Variants in CHLSN observed in about 807,000 individuals in gnomAD.
The protein encoded by CHLSN is protein cholesin.
At chr7:1,089,243 A>G in the CHLSN span, among the ~76,000 whole-genome samples, 6 of 152,236 alleles carry the variant, frequency 3.9e-5, no homozygotes, top group African/African-American at 7.2e-5. Context: ...TATCTACTAA[A>G]GATGAATCAA....
the CHLSN span, among the ~76,000 whole-genome samples, chr7:1,018,034 G>A: frequency 1.3e-5 from 2 of 152,296 alleles, no homozygotes; most frequent in South Asian, 2.1e-4. Flanking sequence ...AAGTCCCCAC[G>A]GGGCTCAGAC....
chr7:1,000,564 A>G, the CHLSN span: 1 of 1,597,372 alleles, frequency 6.3e-7, no homozygotes, highest in Non-Finnish European at 8.5e-7. Context: ...AGGGAAAGAA[A>G]GACAAACATC....
the CHLSN span, among the ~76,000 whole-genome samples, chr7:1,001,353 CCCTGTGGGTGGGGAGT>C: frequency 8.4e-5 from 12 of 142,088 alleles, no homozygotes; most frequent in East Asian, 1.7e-3. Flanking sequence ...GGGTGTGGAG[CCCTGTGGGTGGGGAGT>C]CCTGTGGGTG....
the CHLSN span, among the ~76,000 whole-genome samples, chr7:1,072,189 G>A: frequency 6.6e-6 from 1 of 152,208 alleles, no homozygotes; most frequent in Non-Finnish European, 1.5e-5. Flanking sequence ...TCCTGGAGCC[G>A]TAAGCATCCT....
the CHLSN span, among the ~76,000 whole-genome samples, chr7:1,018,776 C>G: frequency 1.3e-5 from 2 of 151,582 alleles, no homozygotes; most frequent in African/African-American, 4.9e-5. Context: ...GAGTGAGACC[C>G]TCAAAAAAAA....
At chr7:1,056,735 G>A in the CHLSN span, 2 of 152,224 alleles carry the variant, frequency 1.3e-5, no homozygotes, top group Non-Finnish European at 2.9e-5. Context: ...GATGCCGTCT[G>A]CTCGTCTGCC....
chr7:1,111,451 G>C, the CHLSN span, among the ~76,000 whole-genome samples: 2 of 152,304 alleles, frequency 1.3e-5, no homozygotes, highest in South Asian at 4.1e-4. Context: ...TAACACAAAG[G>C]TGTTGAACAA....
At chr7:1,130,001 G>A in the CHLSN span, among the ~76,000 whole-genome samples, 1 of 152,272 alleles carries the variant, frequency 6.6e-6, no homozygotes, top group South Asian at 2.1e-4. Context: ...GGCACCACAC[G>A]GGCTGCGGGC....
the CHLSN span, among the ~76,000 whole-genome samples, chr7:1,002,618 CGGGTGGGGAGTCCTGT>C: frequency 1.7e-4 from 6 of 34,594 alleles, no homozygotes; most frequent in Non-Finnish European, 3.2e-4. Flanking sequence ...TGGAGTCCTG[CGGGTGGGGAGTCCTGT>C]GGGTGGGGAG....
chr7:1,118,834 C>T, the CHLSN span, among the ~76,000 whole-genome samples: 1 of 137,512 alleles, frequency 7.3e-6, no homozygotes, highest in South Asian at 2.4e-4. Context: ...GAGGTACTTA[C>T]TTTGCTAGAT....
At chr7:1,126,672 G>C in the CHLSN span, among the ~76,000 whole-genome samples, 3 of 152,100 alleles carry the variant, frequency 2.0e-5, no homozygotes, top group Non-Finnish European at 4.4e-5. Context: ...CAGAGACTGT[G>C]TCTCAAGAAA....
the CHLSN span, among the ~76,000 whole-genome samples, chr7:1,012,180 C>T: frequency 5.9e-5 from 9 of 152,280 alleles, no homozygotes; most frequent in African/African-American, 1.9e-4. Context: ...GGGCCAAAGT[C>T]CATAACACTG....
At chr7:983,360 C>G in the CHLSN span, 3 of 1,532,762 alleles carry the variant, frequency 2.0e-6, no homozygotes, top group East Asian at 7.4e-5. Flanking sequence ...CTGCGTCTGT[C>G]GCAACAGGAC....
the CHLSN span, chr7:1,091,841 T>A: frequency 6.2e-7 from 1 of 1,608,316 alleles, no homozygotes; most frequent in South Asian, 1.1e-5. Flanking sequence ...CACCCGCTCC[T>A]GGGCACCGCC....
the CHLSN span, among the ~76,000 whole-genome samples, chr7:1,120,542 T>C: frequency 6.6e-6 from 1 of 152,138 alleles, no homozygotes; most frequent in Non-Finnish European, 1.5e-5. Context: ...TCCTTCTGCC[T>C]CGGCCTCCCA....
chr7:1,115,413 C>A, the CHLSN span, among the ~76,000 whole-genome samples: 1 of 152,250 alleles, frequency 6.6e-6, no homozygotes, highest in African/African-American at 2.4e-5. Flanking sequence ...AACAGGAAAT[C>A]AGGAGGCGCT....
the CHLSN span, among the ~76,000 whole-genome samples, chr7:1,088,674 C>G: frequency 6.6e-6 from 1 of 152,212 alleles, no homozygotes; most frequent in South Asian, 2.1e-4. This position sits in a 1 kb window ranked among gnomAD's most constrained non-coding sequence, Gnocchi z 4.5. Context: ...GTCACTCTCA[C>G]CAACCCTGAA....
At chr7:1,070,610 G>GCACGCA in the CHLSN span, among the ~76,000 whole-genome samples, 5 of 137,868 alleles carry the variant, frequency 3.6e-5, no homozygotes, top group African/African-American at 1.4e-4. Flanking sequence ...ATGCACACAT[G>GCACGCA]CATGCACACA....
chr7:1,046,187 AG>A, the CHLSN span, among the ~76,000 whole-genome samples: 1 of 152,218 alleles, frequency 6.6e-6, no homozygotes, highest in Non-Finnish European at 1.5e-5. Flanking sequence ...GGCAGGGAGA[AG>A]AAGGGGCTCC....
Sources: gnomAD v4.1 joint callset for allele counts (sites outside exome capture counted in the v4.1 genomes callset) on GRCh38, gnomAD v4.1.1 for gene constraint, Gnocchi (gnomAD v3.1) non-coding constraint, MANE v1.5 for transcripts, NCBI Gene and HGNC (gene_info 2026-07-23, HGNC 2026-07-21) for gene names.